CYP7B1: variants seen among roughly 807,000 people sequenced by gnomAD.
The protein encoded by CYP7B1 is cytochrome P450 family 7 subfamily B member 1, also known as cytochrome P450 7B1.
In CYP7B1, 29 loss-of-function variants were observed where a neutral mutation model predicts 42.7. The observed-to-expected ratio is 0.68, with a 90% CI of 0.51 to 0.93. CYP7B1 has a LOEUF of 0.93. CYP7B1 is among the 40% of genes least tolerant of loss of function. The pLI is 0.00. For missense variants in CYP7B1, 655 were observed against 600.5 expected (o/e 1.09, Z -0.95); for synonymous variants, 235 against 218.2 (o/e 1.08, Z -0.68).
chr8:64,694,237 A>G (rs1806790432), intron 1 of CYP7B1, among the ~76,000 whole-genome samples: 1 of 152,244 alleles, frequency 6.6e-6, no homozygotes, highest in South Asian at 2.1e-4. Flanking sequence ...TGAGGTGATT[A>G]GAAAATATCA....
Position 64,594,380 on chromosome 8 carries a change from A to G in CYP7B1, c.*2262T>C, listed in dbSNP as rs995599665. 3.3e-5 allele frequency among the ~76,000 whole-genome samples: 5 copies of G among 152,250 alleles called. No homozygotes were observed. The highest frequency in any genetic ancestry group is 9.6e-5 in the African/African-American group (4 of 41,470). ...ATGTATATACTACAGAAATATGAAT[A>G]TATCTTTAAAATCACAGAGCTTCAT... On this transcript the variant is annotated 3_prime_UTR_variant, in exon 6 of 6. Coordinates refer to ENST00000310193, the MANE Select transcript of CYP7B1 (RefSeq NM_004820.5).
At chr8:64,618,329 A>C (rs1182706573) in intron 2 of CYP7B1, among the ~76,000 whole-genome samples, 1 of 152,110 alleles carries the variant, frequency 6.6e-6, no homozygotes, top group African/African-American at 2.4e-5. Flanking sequence ...GGTTATTTTA[A>C]ATTATTCCCT....
intron 1 of CYP7B1, among the ~76,000 whole-genome samples, chr8:64,748,850 C>T (rs72656480): frequency 0.018 from 2,717 of 152,252 alleles, 37 homozygotes; most frequent in Non-Finnish European, 0.025. Flanking sequence ...AGGCAGAGTG[C>T]TAGGCTCATC....
intron 1 of CYP7B1, among the ~76,000 whole-genome samples, chr8:64,672,759 T>A (rs1806385529): frequency 6.6e-6 from 1 of 152,134 alleles, no homozygotes; most frequent in Non-Finnish European, 1.5e-5. Context: ...TTGCAATTTA[T>A]GTTTCTTGGC....
intron 1 of CYP7B1, among the ~76,000 whole-genome samples, chr8:64,734,832 T>C (rs1807463162): frequency 6.6e-6 from 1 of 152,208 alleles, no homozygotes; most frequent in Admixed American, 6.5e-5. Flanking sequence ...CAAACTTTTT[T>C]TTAAACAAAA....
intron 1 of CYP7B1, among the ~76,000 whole-genome samples, chr8:64,737,228 G>A (rs184019301): frequency 4.6e-5 from 7 of 152,188 alleles, no homozygotes; most frequent in African/African-American, 1.2e-4. Context: ...TCAGCCTCCC[G>A]AGTAATTGGA....
Position 64,594,505 on chromosome 8 carries a change from A to G in CYP7B1, c.*2137T>C, listed in dbSNP as rs971001475. Among the ~76,000 whole-genome samples the G allele has an allele frequency of 1.8e-4, 27 of 152,222 alleles. No homozygotes were observed. The highest frequency in any genetic ancestry group is 6.3e-4 in the African/African-American group (26 of 41,458). On this transcript the variant is annotated 3_prime_UTR_variant, in exon 6 of 6. Coordinates refer to ENST00000310193, the MANE Select transcript of CYP7B1 (RefSeq NM_004820.5). ...TACCAAGATATGCATCAAACACATT[A>G]GAATATTTGCCTATGATATTAGGAA...
chr8:64,609,296 A>C lies in CYP7B1; in HGVS notation c.1058-4439T>G, dbSNP rs549671087. 2.6e-5 allele frequency among the ~76,000 whole-genome samples: 4 copies of C among 152,288 alleles called. No individual in the cohort carries two copies. The East Asian group carries it at 7.7e-4, about 29-fold the overall frequency. On this transcript the variant is annotated intron_variant, in intron 4 of 5. Coordinates refer to ENST00000310193, the MANE Select transcript of CYP7B1 (RefSeq NM_004820.5). ...CTGATCAGTTATTTGTGGTGAGAAA[A>C]CTTAAAATCTACTCCTGTGGCAATT...
At chr8:64,617,694 G>T (rs1225285761) in intron 2 of CYP7B1, among the ~76,000 whole-genome samples, 1 of 151,968 alleles carries the variant, frequency 6.6e-6, no homozygotes, top group Non-Finnish European at 1.5e-5. Flanking sequence ...GTGTCTGTGT[G>T]TGTGTGTGTT....
At chr8:64,776,283 TG>T (rs1262184127) in intron 1 of CYP7B1, among the ~76,000 whole-genome samples, 1 of 152,174 alleles carries the variant, frequency 6.6e-6, no homozygotes, top group East Asian at 1.9e-4. Flanking sequence ...CGTCTCTGCA[TG>T]TTTCTTGCTT....
At chr8:64,744,882 T>G (rs2129633351) in intron 1 of CYP7B1, among the ~76,000 whole-genome samples, 1 of 152,276 alleles carries the variant, frequency 6.6e-6, no homozygotes, top group South Asian at 2.1e-4. Flanking sequence ...AACCACATTT[T>G]TACTAGGGCT....
chr8:64,642,427 G>A (rs951924455), intron 1 of CYP7B1, among the ~76,000 whole-genome samples: 1 of 151,994 alleles, frequency 6.6e-6, no homozygotes, highest in East Asian at 1.9e-4. Context: ...ACTTGACCCC[G>A]AATTTACTGT....
intron 1 of CYP7B1, among the ~76,000 whole-genome samples, chr8:64,774,323 G>A (rs543298028): frequency 2.0e-5 from 3 of 152,304 alleles, no homozygotes; most frequent in Admixed American, 6.5e-5. Context: ...CATGTATATA[G>A]TAGGTAGCCA....
intron 1 of CYP7B1, among the ~76,000 whole-genome samples, chr8:64,700,498 T>C (rs1362251101): frequency 6.6e-6 from 1 of 152,134 alleles, no homozygotes; most frequent in Non-Finnish European, 1.5e-5. Context: ...AAGTACCATC[T>C]ATTAGGACAA....
chr8:64,590,603 AT>A (rs977865126), downstream of CYP7B1, among the ~76,000 whole-genome samples: 2 of 151,918 alleles, frequency 1.3e-5, no homozygotes, highest in African/African-American at 2.4e-5. Flanking sequence ...AAACTTAGTG[AT>A]TTTTTTTGAG....
chr8:64,741,000 T>A (rs1175026033), intron 1 of CYP7B1, among the ~76,000 whole-genome samples: 1 of 152,028 alleles, frequency 6.6e-6, no homozygotes, highest in Non-Finnish European at 1.5e-5. Context: ...CCAGCATCAC[T>A]CTAATAGCAA....
Position 64,738,643 on chromosome 8 carries a change from G to A in CYP7B1, c.122+59823C>T, listed in dbSNP as rs1807525638. On this transcript the variant is annotated intron_variant, in intron 1 of 5. Transcript: ENST00000310193. ...TCTGGTTTCAGCTCCAATATGTAAA[G>A]AGCTGGGAAGTCATCACTTACGTCT... Among the ~76,000 whole-genome samples, 3 of 152,078 alleles carry A rather than the reference G, an allele frequency of 2.0e-5. No homozygotes were observed. The South Asian group carries it at 6.2e-4, about 32-fold the overall frequency.
At chr8:64,704,729 T>C (rs1806967298) in intron 1 of CYP7B1, among the ~76,000 whole-genome samples, 1 of 152,064 alleles carries the variant, frequency 6.6e-6, no homozygotes, top group South Asian at 2.1e-4. Context: ...TTGAGAAATA[T>C]CTGTTACACA....
chr8:64,769,521 A>T (rs1289702793), intron 1 of CYP7B1, among the ~76,000 whole-genome samples: 1 of 151,958 alleles, frequency 6.6e-6, no homozygotes, highest in Non-Finnish European at 1.5e-5. Context: ...TTTGTATTCC[A>T]TTTTTTTCTA....
Sources: allele counts gnomAD v4.1 joint callset (sites outside exome capture counted in the v4.1 genomes callset), GRCh38; gene constraint gnomAD v4.1.1; transcripts MANE v1.5; gene names NCBI Gene and HGNC (gene_info 2026-07-23, HGNC 2026-07-21).